Variants in USP45 observed in about 807,000 individuals in gnomAD.
USP45 encodes the protein ubiquitin carboxyl-terminal hydrolase 45.
USP45 carries 89 observed loss-of-function variants against 95.8 expected under a neutral mutation model. The ratio of observed to expected loss-of-function variants is 0.93; its 90% confidence interval spans 0.78 to 1.11. The LOEUF is 1.11. Among genes scored for constraint, USP45 ranks in the 50% least tolerant of loss-of-function variants. The pLI, the probability that USP45 is intolerant of heterozygous loss-of-function variation, is 0.00. For missense variants in USP45, 898 were observed against 942.5 expected, an observed-to-expected ratio of 0.95 and a Z score of 0.62; for synonymous variants, 281 against 316.2, an observed-to-expected ratio of 0.89 and a Z score of 1.18.
At chr6:99,462,702 C>G in intron 13 of USP45, 1 of 986,816 alleles carries the variant, frequency 1.0e-6, no homozygotes, top group Non-Finnish European at 1.2e-6. Context: ...AATTCAGGCC[C>G]AGCGCTGTGG....
chr6:99,472,525 A>G (rs1789691378), intron 9 of USP45, among the ~76,000 whole-genome samples: 1 of 152,030 alleles, frequency 6.6e-6, no homozygotes, highest in South Asian at 2.1e-4. Flanking sequence ...CCACTTACAT[A>G]ATTTTTAATT....
chr6:99,448,653 G>T (rs1227757588), intron 13 of USP45, among the ~76,000 whole-genome samples: 6 of 152,148 alleles, frequency 3.9e-5, no homozygotes, highest in Non-Finnish European at 8.8e-5. Context: ...AGGCCAACAT[G>T]CAAATTCAGC....
At chr6:99,497,212 A>G (rs1796477802) in intron 5 of USP45, among the ~76,000 whole-genome samples, 1 of 152,022 alleles carries the variant, frequency 6.6e-6, no homozygotes. Context: ...GCCCATTTTC[A>G]GTCTTGCATT....
At chr6:99,486,071 G>C (rs1793798409) in intron 7 of USP45, among the ~76,000 whole-genome samples, 1 of 152,138 alleles carries the variant, frequency 6.6e-6, no homozygotes, top group Non-Finnish European at 1.5e-5. Flanking sequence ...TTGGGATTAA[G>C]GCAAGGCTGA....
chr6:99,446,007 A>C lies in USP45; in HGVS notation c.1765T>G (p.Phe589Val). Residue 589 changes from phenylalanine to valine, a missense_variant, in exon 14 of 18, where the codon TTT (phenylalanine) becomes GTT (valine). By Grantham distance (50) the Phe-to-Val change is conservative. Transcript: ENST00000500704. ...QPLNISNNLC[F>V]LEGKHLRSYS... The stretch of plus-strand genomic sequence containing the variant: ...GACCTCAAATGCTTCCCCTCTAAAA[A>C]ACATAAATTATTTGAAATATTTAGT... The C allele has an allele frequency of 6.2e-7, 1 of 1,614,072 alleles. No individual in the cohort carries two copies. Among genetic ancestry groups the C allele is most frequent in the South Asian group, 1.1e-5 (1 of 91,072 alleles).
chr6:99,496,430 C>G (rs1583388121), intron 5 of USP45, among the ~76,000 whole-genome samples: 1 of 151,880 alleles, frequency 6.6e-6, no homozygotes, highest in Non-Finnish European at 1.5e-5. Context: ...ACAGCAAACT[C>G]ATACTTCATA....
intron 9 of USP45, among the ~76,000 whole-genome samples, chr6:99,470,559 GAC>G (rs1789150072): frequency 6.6e-6 from 1 of 152,134 alleles, no homozygotes; most frequent in East Asian, 1.9e-4. Context: ...CATACCGTGT[GAC>G]ACAAGTCCTG....
intron 7 of USP45, 54 bp downstream of exon 7, chr6:99,488,146 G>GT: frequency 8.3e-7 from 1 of 1,211,620 alleles, no homozygotes; most frequent in South Asian, 1.3e-5. Context: ...AGAGATTTTG[G>GT]TAACATCAGT....
At chr6:99,482,611 A>G (rs930353995) in intron 8 of USP45, 142 bp downstream of exon 8, 1 of 719,988 alleles carries the variant, frequency 1.4e-6, no homozygotes, top group Non-Finnish European at 2.1e-6. Context: ...CATAAAGCAT[A>G]GAGCTGTAAC....
chr6:99,447,462 G>T (rs1420475612), intron 13 of USP45, among the ~76,000 whole-genome samples: 1 of 152,070 alleles, frequency 6.6e-6, no homozygotes, highest in Non-Finnish European at 1.5e-5. Flanking sequence ...CCACTCCGCT[G>T]AATTTATATA....
At chr6:99,470,398 G>A (rs745484486) in intron 9 of USP45, among the ~76,000 whole-genome samples, 2 of 152,066 alleles carry the variant, frequency 1.3e-5, no homozygotes, top group Admixed American at 6.6e-5. Context: ...TTGTGAAACC[G>A]AGTTTCACTT....
intron 4 of USP45, among the ~76,000 whole-genome samples, chr6:99,505,418 C>T (rs944366107): frequency 2.0e-5 from 3 of 151,982 alleles, no homozygotes; most frequent in Non-Finnish European, 4.4e-5. Flanking sequence ...GTAATCCCAG[C>T]AGTTTGGGAG....
At chr6:99,497,219 C>T (rs558957015) in intron 5 of USP45, among the ~76,000 whole-genome samples, 1 of 152,034 alleles carries the variant, frequency 6.6e-6, no homozygotes, top group African/African-American at 2.4e-5. Context: ...TTCAGTCTTG[C>T]ATTATATATG....
intron 1 of USP45, among the ~76,000 whole-genome samples, chr6:99,511,672 C>T (rs372419857): frequency 2.6e-5 from 4 of 151,848 alleles, no homozygotes; most frequent in African/African-American, 4.8e-5. Context: ...AGGCTGGTCT[C>T]GAACTCCTGG....
chr6:99,509,936 A>G (rs763856980), intron 2 of USP45, among the ~76,000 whole-genome samples, 185 bp downstream of exon 2: 26 of 152,186 alleles, frequency 1.7e-4, no homozygotes, highest in Non-Finnish European at 3.2e-4. Context: ...ATCTGCATTT[A>G]GAAGTCAGCC....
chr6:99,472,221 A>ATTTTT (rs5878580), intron 9 of USP45, among the ~76,000 whole-genome samples: 2 of 143,912 alleles, frequency 1.4e-5, no homozygotes, highest in Non-Finnish European at 1.5e-5. Flanking sequence ...TCACTTACTA[A>ATTTTT]TTTTTTTTTT....
chr6:99,466,013 T>C (rs1054990849), intron 11 of USP45, among the ~76,000 whole-genome samples: 4 of 152,104 alleles, frequency 2.6e-5, no homozygotes, highest in African/African-American at 9.7e-5. Context: ...GTTATTTCTA[T>C]TGGAATTAGT....
intron 7 of USP45, among the ~76,000 whole-genome samples, chr6:99,485,009 G>C (rs1357462169): frequency 6.6e-6 from 1 of 151,930 alleles, no homozygotes; most frequent in Non-Finnish European, 1.5e-5. Context: ...CCTTCAGAAT[G>C]AGATGAGGAA....
At chr6:99,443,765 G>A (rs1331942092) in intron 14 of USP45, 103 bp from the exon 15 acceptor site, 3 of 752,856 alleles carry the variant, frequency 4.0e-6, no homozygotes, top group East Asian at 5.9e-5. Flanking sequence ...TTTTAAAAAT[G>A]TTAAAGAAAT....
Sources: gnomAD v4.1 joint callset for allele counts (sites outside exome capture counted in the v4.1 genomes callset) on GRCh38, gnomAD v4.1.1 for gene constraint, MANE v1.5 for transcripts, NCBI Gene and HGNC (gene_info 2026-07-23, HGNC 2026-07-21) for gene names.